The following CADM2 variants were observed in gnomAD, a reference collection of about 807,000 sequenced individuals.
CADM2 encodes the protein cell adhesion molecule 2.
Under a neutral mutation model 49.8 loss-of-function variants are expected in CADM2, and 12 were observed. The ratio of observed to expected loss-of-function variants is 0.24; its 90% CI spans 0.15 to 0.39. The LOEUF (loss-of-function observed/expected upper bound fraction) is 0.39. Ranked by LOEUF, CADM2 falls within the 10% of genes least tolerant of loss-of-function variation. The pLI is 1.00. For missense variants in CADM2, 378 were observed against 492.3 expected, an observed-to-expected ratio of 0.77 and a Z score of 2.20; for synonymous variants, 214 against 175.4, an observed-to-expected ratio of 1.22 and a Z score of -1.74.
chr3:85,705,054 G>A (rs1420823152), intron 1 of CADM2, among the ~76,000 whole-genome samples: 1 of 143,894 alleles, frequency 6.9e-6, no homozygotes, highest in East Asian at 2.0e-4. Context: ...TTTAAATAGA[G>A]ACGGGGTTTT....
intron 6 of CADM2, among the ~76,000 whole-genome samples, chr3:85,915,339 G>A (rs1211971116): frequency 6.6e-6 from 1 of 152,084 alleles, no homozygotes; most frequent in African/African-American, 2.4e-5. Context: ...TAAATGGCTA[G>A]AAGGCAGAAA....
intron 1 of CADM2, among the ~76,000 whole-genome samples, chr3:85,385,132 G>T (rs1469405399): frequency 6.6e-6 from 1 of 151,894 alleles, no homozygotes; most frequent in East Asian, 2.0e-4. Context: ...ATGGGGTTTT[G>T]CCATGTTGTC....
chr3:85,635,613 A>G (rs1435141284), intron 1 of CADM2, among the ~76,000 whole-genome samples: 2 of 152,160 alleles, frequency 1.3e-5, no homozygotes, highest in African/African-American at 2.4e-5. Context: ...AGCTGCCTTT[A>G]TCTTGTAACA....
intron 6 of CADM2, among the ~76,000 whole-genome samples, chr3:85,927,006 A>C (rs573507631): frequency 6.6e-6 from 1 of 152,288 alleles, no homozygotes; most frequent in East Asian, 1.9e-4. Context: ...ATCAGTGTTA[A>C]CTTCACTCCT....
At chr3:85,136,896 A>C (rs1414230051) in intron 1 of CADM2, among the ~76,000 whole-genome samples, 1 of 152,006 alleles carries the variant, frequency 6.6e-6, no homozygotes, top group Non-Finnish European at 1.5e-5. Context: ...TTCAGTTTGC[A>C]TTGTAGCAAC....
intron 4 of CADM2, among the ~76,000 whole-genome samples, chr3:85,884,362 T>C (rs933245030): frequency 6.6e-6 from 1 of 152,212 alleles, no homozygotes; most frequent in African/African-American, 2.4e-5. Flanking sequence ...GCTAGTGAAT[T>C]GGTTTTGTGC....
chr3:85,770,574 C>G (rs542566675), intron 2 of CADM2, among the ~76,000 whole-genome samples: 119 of 152,210 alleles, frequency 7.8e-4, no homozygotes, highest in Admixed American at 1.4e-3. Flanking sequence ...CCATCTCTGC[C>G]TTCCAAAGTG....
chr3:85,541,773 T>TATATATATA (rs1553739263), intron 1 of CADM2, among the ~76,000 whole-genome samples: 2 of 6,178 alleles, frequency 3.2e-4, no homozygotes, highest in Admixed American at 6.0e-3. Flanking sequence ...ATATTTTATA[T>TATATATATA]TTTATATATA....
chr3:85,674,832 G>A (rs2065847499), intron 1 of CADM2, among the ~76,000 whole-genome samples: 1 of 152,062 alleles, frequency 6.6e-6, no homozygotes, highest in Non-Finnish European at 1.5e-5. Flanking sequence ...CCATTCATGT[G>A]AATAGAATTT....
chr3:85,953,567 T>A (rs1047501032), intron 7 of CADM2, among the ~76,000 whole-genome samples: 3 of 150,922 alleles, frequency 2.0e-5, no homozygotes, highest in Non-Finnish European at 4.5e-5. Context: ...TATTAGAATG[T>A]CCCTAATATA....
chr3:85,826,901 T>C (rs1199938446), intron 3 of CADM2, among the ~76,000 whole-genome samples: 4 of 152,132 alleles, frequency 2.6e-5, no homozygotes, highest in African/African-American at 9.6e-5. Flanking sequence ...TCACTGCAAT[T>C]ACAAATCAAG....
chr3:85,246,312 G>C (rs1267032607), intron 1 of CADM2, among the ~76,000 whole-genome samples: 3 of 151,966 alleles, frequency 2.0e-5, no homozygotes, highest in African/African-American at 7.3e-5. Flanking sequence ...GGGGGAAGGG[G>C]GTAGGGAAAG....
chr3:85,600,605 A>G (rs2063363299), intron 1 of CADM2, among the ~76,000 whole-genome samples: 1 of 151,882 alleles, frequency 6.6e-6, no homozygotes, highest in African/African-American at 2.4e-5. Context: ...ATGCTGAAAC[A>G]AGGAAGTTTT....
At chr3:84,998,988 T>G (rs2033319749) in intron 1 of CADM2, among the ~76,000 whole-genome samples, 1 of 152,186 alleles carries the variant, frequency 6.6e-6, no homozygotes, top group Admixed American at 6.6e-5. Context: ...GGAAAGATTT[T>G]TCATCAAAAA....
intron 3 of CADM2, among the ~76,000 whole-genome samples, chr3:85,819,242 G>A (rs1479282089): frequency 6.6e-6 from 1 of 152,078 alleles, no homozygotes; most frequent in Non-Finnish European, 1.5e-5. Context: ...TTGTTCTATT[G>A]GTGCTGGCAG....
chr3:85,524,481 G>A (rs1034496455), intron 1 of CADM2, among the ~76,000 whole-genome samples: 2 of 152,002 alleles, frequency 1.3e-5, no homozygotes, highest in African/African-American at 4.8e-5. Context: ...TTCTGCCATT[G>A]TTCAAAGAAT....
chr3:85,329,778 T>G (rs1350758460), intron 1 of CADM2, among the ~76,000 whole-genome samples: 1 of 152,120 alleles, frequency 6.6e-6, no homozygotes, highest in African/African-American at 2.4e-5. Context: ...AATTTTACAA[T>G]GAAAACATTT....
At chr3:85,859,222 GTCTT>G (rs2075428271) in intron 3 of CADM2, among the ~76,000 whole-genome samples, 2 of 84,354 alleles carry the variant, frequency 2.4e-5, no homozygotes, top group African/African-American at 8.7e-5. Flanking sequence ...TCTTTTTTTT[GTCTT>G]TTTTTTTTTT....
intron 1 of CADM2, among the ~76,000 whole-genome samples, chr3:85,694,305 T>A (rs1418831622): frequency 6.6e-6 from 1 of 152,166 alleles, no homozygotes. Flanking sequence ...AATGAAATCA[T>A]AAGGATGGGA....
Sources: allele counts gnomAD v4.1 joint callset (sites outside exome capture counted in the v4.1 genomes callset), GRCh38; gene constraint gnomAD v4.1.1; transcripts MANE v1.5; gene names NCBI Gene and HGNC (gene_info 2026-07-23, HGNC 2026-07-21).